LPP: variants seen among roughly 807,000 people sequenced by gnomAD.
LPP encodes the protein LIM domain containing preferred translocation partner in lipoma, also known as lipoma-preferred partner.
In LPP, 38 loss-of-function variants were observed where a neutral mutation model predicts 60.4. The ratio of observed to expected loss-of-function variants is 0.63; its 90% confidence interval spans 0.49 to 0.83. The LOEUF (loss-of-function observed/expected upper bound fraction) is 0.83, where lower values mean the gene tolerates loss of function less well. Ranked by LOEUF, LPP falls within the 40% of genes least tolerant of loss-of-function variation. The pLI is 0.00. For synonymous variants in LPP, 328 were observed against 290.8 expected (o/e 1.13, Z -1.30); for missense variants, 902 against 783.6 (o/e 1.15, Z -1.80).
At chr3:188,715,225 A>C (rs548835377) in intron 8 of LPP, among the ~76,000 whole-genome samples, 1 of 151,992 alleles carries the variant, frequency 6.6e-6, no homozygotes, top group Non-Finnish European at 1.5e-5. Context: ...TAAAAATACA[A>C]AAATCAGCTG....
intron 6 of LPP, among the ~76,000 whole-genome samples, chr3:188,556,170 T>A (rs1441344770): frequency 6.6e-6 from 1 of 152,116 alleles, no homozygotes; most frequent in Non-Finnish European, 1.5e-5. Context: ...TCTTCTGAGC[T>A]ATTTGCTCAC....
At chr3:188,542,092 A>T (rs749812040) in intron 6 of LPP, among the ~76,000 whole-genome samples, 35 of 152,188 alleles carry the variant, frequency 2.3e-4, no homozygotes, top group Non-Finnish European at 4.9e-4. Context: ...TGCATCTGCA[A>T]TTCTTGAAAG....
chr3:188,441,609 C>CTTTTTTTTTTT lies in LPP; in HGVS notation c.193+35315_193+35325dup, dbSNP rs1004222826. Among the ~76,000 whole-genome samples, 258 of 55,568 alleles carry CTTTTTTTTTTT rather than the reference C, an allele frequency of 4.6e-3. 20 individuals are homozygous for CTTTTTTTTTTT. The highest frequency in any genetic ancestry group is 7.4e-3 in the African/African-American group (99 of 13,316). The allele number at this position is 55,568 out of a possible 152,430, so 36.5% of individuals were successfully genotyped here. On this transcript the variant is annotated intron_variant, in intron 4 of 11. Coordinates refer to ENST00000617246, the MANE Select transcript of LPP (RefSeq NM_001375462.1). ...ACAGTTTCTTTTTTTCTTTTCTTTT[C>CTTTTTTTTTTT]TTTTTTTTTTTTTTTTTTTTTTTTT...
chr3:188,418,587 A>C (rs1048791611), intron 4 of LPP, among the ~76,000 whole-genome samples: 2 of 152,200 alleles, frequency 1.3e-5, no homozygotes, highest in Admixed American at 6.5e-5. Flanking sequence ...TACTTGTATT[A>C]AATGAAATAA....
intron 6 of LPP, among the ~76,000 whole-genome samples, chr3:188,576,424 T>A (rs1834634994): frequency 6.6e-6 from 1 of 152,146 alleles, no homozygotes; most frequent in South Asian, 2.1e-4. Context: ...CCAGGCACAT[T>A]ACCTAGTACC....
chr3:188,492,741 A>T (rs779583113), intron 5 of LPP, among the ~76,000 whole-genome samples: 8 of 152,104 alleles, frequency 5.3e-5, no homozygotes, highest in Non-Finnish European at 7.4e-5. Context: ...AAATCAAACG[A>T]TGTAGATTAG....
intron 6 of LPP, among the ~76,000 whole-genome samples, chr3:188,539,697 AGT>A (rs1398288394): frequency 1.3e-5 from 2 of 152,214 alleles, no homozygotes; most frequent in African/African-American, 4.8e-5. Flanking sequence ...AGGAATAATA[AGT>A]GTGTGTTTAA....
chr3:188,226,622 G>A (rs1717865524), intron 2 of LPP, among the ~76,000 whole-genome samples: 1 of 152,124 alleles, frequency 6.6e-6, no homozygotes, highest in Admixed American at 6.5e-5. Flanking sequence ...TTCTGGGTGC[G>A]ACTTCCACTT....
At chr3:188,593,129 G>A (rs1839252842) in intron 6 of LPP, among the ~76,000 whole-genome samples, 1 of 149,586 alleles carries the variant, frequency 6.7e-6, no homozygotes, top group South Asian at 2.1e-4. Context: ...ATGAATAACT[G>A]TATAGATTAC....
chr3:188,490,216 G>A (rs1475133105), intron 5 of LPP, among the ~76,000 whole-genome samples: 1 of 152,098 alleles, frequency 6.6e-6, no homozygotes, highest in Non-Finnish European at 1.5e-5. Context: ...ACTGAAAGAT[G>A]TTACTTTTCA....
At chr3:188,579,308 G>T (rs1330543063) in intron 6 of LPP, among the ~76,000 whole-genome samples, 1 of 152,174 alleles carries the variant, frequency 6.6e-6, no homozygotes, top group Non-Finnish European at 1.5e-5. Context: ...GCAGTGGGAA[G>T]AACACTGGGA....
intron 7 of LPP, among the ~76,000 whole-genome samples, chr3:188,661,968 C>T (rs1213698527): frequency 6.6e-6 from 1 of 152,190 alleles, no homozygotes; most frequent in Non-Finnish European, 1.5e-5. Context: ...AAGCTTTTGA[C>T]TGTTATTGCA....
intron 5 of LPP, among the ~76,000 whole-genome samples, chr3:188,487,642 C>T (rs1303693660): frequency 2.0e-5 from 3 of 152,190 alleles, no homozygotes; most frequent in Admixed American, 2.0e-4. Flanking sequence ...ATGCCCTCCC[C>T]TTGTGCAGAA....
intron 6 of LPP, among the ~76,000 whole-genome samples, chr3:188,540,803 T>A (rs1824956607): frequency 6.6e-6 from 1 of 152,210 alleles, no homozygotes; most frequent in Admixed American, 6.5e-5. Context: ...AAGATTGACT[T>A]ATAAATTTGG....
intron 2 of LPP, among the ~76,000 whole-genome samples, chr3:188,289,588 A>G (rs1745238395): frequency 1.3e-5 from 2 of 152,320 alleles, no homozygotes; most frequent in Admixed American, 6.5e-5. Context: ...TAACTTGTCC[A>G]AGTCATTCAG....
At chr3:188,566,014 C>T (rs1051749704) in intron 6 of LPP, among the ~76,000 whole-genome samples, 2 of 151,772 alleles carry the variant, frequency 1.3e-5, no homozygotes, top group Admixed American at 6.6e-5. Context: ...GTTTAACCTG[C>T]GTGTGAGAAA....
At chr3:188,286,789 T>G (rs565904461) in intron 2 of LPP, among the ~76,000 whole-genome samples, 44 of 152,334 alleles carry the variant, frequency 2.9e-4, no homozygotes, top group Middle Eastern at 6.8e-3. Context: ...ATGGAGGATA[T>G]ATATTTCAAA....
chr3:188,482,893 C>G (rs1805228049), intron 4 of LPP, among the ~76,000 whole-genome samples: 1 of 152,108 alleles, frequency 6.6e-6, no homozygotes, highest in Non-Finnish European at 1.5e-5. Context: ...CCAAAGGCAT[C>G]GATCACACAG....
intron 1 of LPP, among the ~76,000 whole-genome samples, chr3:188,207,058 G>C (rs1475148486): frequency 2.0e-5 from 3 of 150,352 alleles, no homozygotes; most frequent in Non-Finnish European, 4.4e-5. Flanking sequence ...GGAACACTCT[G>C]CTTTTATTAT....
Sources: gnomAD v4.1 joint callset for allele counts (sites outside exome capture counted in the v4.1 genomes callset) on GRCh38, gnomAD v4.1.1 for gene constraint, MANE v1.5 for transcripts, NCBI Gene and HGNC (gene_info 2026-07-23, HGNC 2026-07-21) for gene names.